Variants in ZHX1 observed in about 807,000 individuals in gnomAD.
ZHX1 encodes zinc fingers and homeoboxes protein 1.
Under a neutral mutation model 61.8 loss-of-function variants are expected in ZHX1, and 20 were observed. The ratio of observed to expected loss-of-function variants is 0.32; its 90% CI spans 0.23 to 0.47. ZHX1 has a LOEUF of 0.47. Ranked by LOEUF, ZHX1 falls within the 20% of genes least tolerant of loss-of-function variation. ZHX1 has a pLI of 1.00. For synonymous variants in ZHX1, 318 were observed against 352.6 expected (o/e 0.90, Z 1.10); for missense variants, 800 against 1,034.8 (o/e 0.77, Z 3.11).
At chr8:123,274,935 G>A (rs1053318414), upstream of ZHX1, among the ~76,000 whole-genome samples, 13 of 152,164 alleles carry the variant, frequency 8.5e-5, no homozygotes, top group Admixed American at 2.0e-4. Context: ...GAGTCCGGCC[G>A]GGAGCCCAGC....
intron 2 of ZHX1, among the ~76,000 whole-genome samples, 186 bp downstream of exon 2, chr8:123,267,087 A>T (rs1027284406): frequency 6.6e-6 from 1 of 152,186 alleles, no homozygotes; most frequent in African/African-American, 2.4e-5. Context: ...TCTCCTTTTA[A>T]ATTAAAGCAG....
At chr8:123,258,329 A>T (rs1826139168) in intron 2 of ZHX1, among the ~76,000 whole-genome samples, 1 of 152,226 alleles carries the variant, frequency 6.6e-6, no homozygotes, top group South Asian at 2.1e-4. Flanking sequence ...GCCTGAGGCC[A>T]TCACCAGCAG....
chr8:123,255,783 G>A lies in ZHX1; in HGVS notation c.164C>T (p.Ser55Phe), dbSNP rs749892729. The change falls in exon 3 of 4, where the codon TCT (serine) becomes TTT (phenylalanine). Residue 55 changes from serine (S) to phenylalanine (F), a missense_variant. Ser to Phe is a radical substitution (Grantham distance 155). Coordinates refer to ENST00000395571, the MANE Select transcript of ZHX1 (RefSeq NM_007222.5). ...SISSDEEVHE[S>F]VDSDNQQNKK... ...ATTTTGCTGATTGTCTGAATCCACAGATTCATGAACCTCTTCATCACTTGA... is the reference window on the plus strand; with the variant it reads ...ATTTTGCTGATTGTCTGAATCCACAAATTCATGAACCTCTTCATCACTTGA... 97 of 1,613,936 alleles carry A rather than the reference G, an allele frequency of 6.0e-5. No individual in the cohort carries two copies. The highest frequency in any genetic ancestry group is 7.4e-5 in the Non-Finnish European group (87 of 1,180,030).
At chr8:123,257,144 C>G (rs543727008) in intron 2 of ZHX1, 1 of 152,202 alleles carries the variant, frequency 6.6e-6, no homozygotes, top group African/African-American at 2.4e-5. Flanking sequence ...GACTCGAACT[C>G]CTGACCTCAG....
intron 2 of ZHX1, among the ~76,000 whole-genome samples, chr8:123,259,611 A>T (rs1420678074): frequency 1.3e-5 from 2 of 152,226 alleles, no homozygotes; most frequent in Admixed American, 1.3e-4. Context: ...AAGAGTAATA[A>T]ATGAGCAGCA....
intron 3 of ZHX1, among the ~76,000 whole-genome samples, chr8:123,251,563 C>CA (rs1454035328): frequency 7.2e-5 from 11 of 151,910 alleles, no homozygotes; most frequent in Non-Finnish European, 1.0e-4. Flanking sequence ...TGCAACTCCC[C>CA]AAAAAAATCA....
At chr8:123,256,438 G>A (rs944564158) in intron 2 of ZHX1, among the ~76,000 whole-genome samples, 2 of 152,160 alleles carry the variant, frequency 1.3e-5, no homozygotes, top group Non-Finnish European at 2.9e-5. Flanking sequence ...AGACAAGGGG[G>A]AAAGGGCCTG....
In ZHX1 at chr8:123,254,296, T is replaced by C. The variant is rs773316677; in HGVS notation, c.1651A>G (p.Thr551Ala). 7.4e-6 allele frequency: 12 copies of C among 1,614,008 alleles called. No homozygotes were observed. Among genetic ancestry groups the C allele is most frequent in the Middle Eastern group, 1.6e-4 (1 of 6,084 alleles). Reference protein sequence around the residue: ...DSSDETTESPTVGTAQPKQSW... With the variant: ...DSSDETTESPAVGTAQPKQSW... ...TGCTTAGGCTGTGCAGTACCAACAGTTGGGGATTCCGTGGTTTCATCACTG... is the reference window on the plus strand; with the variant it reads ...TGCTTAGGCTGTGCAGTACCAACAGCTGGGGATTCCGTGGTTTCATCACTG... Residue 551 changes from threonine (T) to alanine (A), a missense_variant, in exon 3 of 4, where the codon ACT (threonine) becomes GCT (alanine). Transcript: ENST00000395571. The surrounding 1 kb of genome is among the most constrained non-coding windows in gnomAD (Gnocchi z 4.1).
At position 123,248,488 on chromosome 8, in the gene ZHX1, C is replaced by G. The variant is rs1283719169; in HGVS notation, c.*1836G>C. On this transcript the variant is annotated 3_prime_UTR_variant, in exon 4 of 4. Transcript: ENST00000395571. ...CTAATCACTACTTTTATTTTGTATT[C>G]AAGGTCACAATCAACCAGAAGAGGG... is the stretch of plus-strand genomic sequence containing the variant. 6.6e-6 allele frequency: 1 copy of G among 151,112 alleles called. No homozygotes were observed. Among genetic ancestry groups the G allele is most frequent in the Non-Finnish European group, 1.5e-5 (1 of 67,848 alleles). 9.4% of individuals were successfully genotyped at this position (151,112 alleles called of 1,614,324 possible). A position where few individuals can be genotyped will look rare whatever the true frequency, so the allele number is the denominator to read the frequency against.
chr8:123,255,935 C>T lies in ZHX1; in HGVS notation c.12G>A (p.Arg4=), dbSNP rs747223545. The T allele has an allele frequency of 1.3e-5, 21 of 1,602,826 alleles. No individual in the cohort carries two copies. The highest frequency in any genetic ancestry group is 1.0e-4 in the Admixed American group (6 of 58,406). ...CCATGCAAGGTGTTGTTGATTTTCG[C>T]CTGCTTGCCATTCTGATGTTATGAG... MAS[R]RKSTTPCMVL... Residue 4 remains arginine, a synonymous_variant, in exon 3 of 4, where the codon AGG becomes AGA. Transcript: ENST00000395571.
intron 2 of ZHX1, among the ~76,000 whole-genome samples, chr8:123,261,981 T>C (rs1372415577): frequency 1.3e-5 from 2 of 152,164 alleles, no homozygotes; most frequent in South Asian, 2.1e-4. Flanking sequence ...GAAATCACTA[T>C]TAGCTGAAGG....
intron 2 of ZHX1, among the ~76,000 whole-genome samples, chr8:123,258,298 C>G (rs1398674494): frequency 6.6e-6 from 1 of 152,228 alleles, no homozygotes; most frequent in Non-Finnish European, 1.5e-5. Flanking sequence ...TCCCCATCAT[C>G]TTCTGTCATG....
In ZHX1 at chr8:123,251,169, C is replaced by A. The variant is rs1489044814; in HGVS notation, c.*4-849G>T. Among the ~76,000 whole-genome samples the A allele has an allele frequency of 5.3e-5, 8 of 152,100 alleles. No individual in the cohort carries two copies. In the South Asian group the frequency reaches 1.5e-3, roughly 28 times the overall value. On this transcript the variant is annotated intron_variant, in intron 3 of 3. Transcript: ENST00000395571. ...GTTGTTTGAAAGTTGTGTGGAACAT[C>A]CCCTTTCGCTCTCTCTCCTGTTCGG...
chr8:123,259,383 G>A (rs1452872531), intron 2 of ZHX1, among the ~76,000 whole-genome samples: 1 of 151,602 alleles, frequency 6.6e-6, no homozygotes, highest in African/African-American at 2.4e-5. Flanking sequence ...AATAGGGGTT[G>A]CCATTTTTTT....
Position 123,254,527 on chromosome 8 carries a change from C to T in ZHX1, c.1420G>A (p.Glu474Lys). ...SFGIRAKKTK[E>K]QLAELKVSYL... Reference sequence around the variant, plus strand: ...CTAACTTTTAATTCTGCCAGTTGCTCTTTTGTCTTTTTTGCCCGAATGCCA... The same window carrying T: ...CTAACTTTTAATTCTGCCAGTTGCTTTTTTGTCTTTTTTGCCCGAATGCCA... Residue 474 changes from glutamate to lysine, a missense_variant, in exon 3 of 4, where the codon GAG becomes AAG. Transcript: ENST00000395571. The surrounding 1 kb of genome is among the most constrained non-coding windows in gnomAD (Gnocchi z 4.1). The T allele has an allele frequency of 1.2e-6, 2 of 1,613,872 alleles. No homozygotes were observed. Among genetic ancestry groups the T allele is most frequent in the South Asian group, 1.1e-5 (1 of 91,026 alleles).
At position 123,249,457 on chromosome 8, in the gene ZHX1, TTC is replaced by T. The variant is rs914335356; in HGVS notation, c.*865_*866del. Reference sequence around the variant, plus strand: ...TCTGATCTGACACCTGTATAAACATTTCTGATTTCCACGATTGTAAGAAAACA... The same window carrying T: ...TCTGATCTGACACCTGTATAAACATTTGATTTCCACGATTGTAAGAAAACA... On this transcript the variant is annotated 3_prime_UTR_variant, in exon 4 of 4. Transcript: ENST00000395571. 2.0e-5 allele frequency: 3 copies of T among 152,174 alleles called. No individual in the cohort carries two copies. The highest frequency in any genetic ancestry group is 7.2e-5 in the African/African-American group (3 of 41,458). 9.4% of individuals were successfully genotyped at this position (152,174 alleles called of 1,614,324 possible).
chr8:123,274,744 C>T (rs1239491593), upstream of ZHX1, among the ~76,000 whole-genome samples: 1 of 152,122 alleles, frequency 6.6e-6, no homozygotes, highest in African/African-American at 2.4e-5. Context: ...TGGACTGAAG[C>T]CTGGTCTTCT....
At chr8:123,267,836 T>C (rs528049952) in intron 1 of ZHX1, among the ~76,000 whole-genome samples, 1 of 152,202 alleles carries the variant, frequency 6.6e-6, no homozygotes, top group African/African-American at 2.4e-5. Context: ...ACCCCGTCTC[T>C]ACTAAAAATA....
At chr8:123,250,922 T>G (rs548627523) in intron 3 of ZHX1, among the ~76,000 whole-genome samples, 1 of 152,354 alleles carries the variant, frequency 6.6e-6, no homozygotes, top group Admixed American at 6.5e-5. Context: ...CATCCAAATC[T>G]TACCTTGAAT....
Sources: gnomAD v4.1 joint callset for allele counts (sites outside exome capture counted in the v4.1 genomes callset) on GRCh38, gnomAD v4.1.1 for gene constraint, Gnocchi (gnomAD v3.1) non-coding constraint, MANE v1.5 for transcripts, NCBI Gene and HGNC (gene_info 2026-07-23, HGNC 2026-07-21) for gene names.